The following GMEB1 variants were observed in gnomAD, a reference collection of about 807,000 sequenced individuals.
GMEB1 encodes the protein glucocorticoid modulatory element binding protein 1.
Under a neutral mutation model 52.4 loss-of-function variants are expected in GMEB1, and 6 were observed. The ratio of observed to expected loss-of-function variants is 0.11; its 90% CI spans 0.06 to 0.23. GMEB1 has a LOEUF of 0.23. Ranked by LOEUF, GMEB1 falls within the 10% of genes least tolerant of loss-of-function variation. The pLI is 1.00. For synonymous variants in GMEB1, 255 were observed against 244.9 expected (o/e 1.04, Z -0.38); for missense variants, 486 against 685.6 (o/e 0.71, Z 3.25).
rs770479035 is a variant in GMEB1 at position 28,710,502 on chromosome 1, G to A, written c.869-18G>A. The A allele has an allele frequency of 1.9e-6, 3 of 1,581,780 alleles. No individual in the cohort carries two copies. The highest frequency in any genetic ancestry group is 2.6e-6 in the Non-Finnish European group (3 of 1,165,924). ...ATATCTGTTTTAACTGGACAGGCAT[G>A]TCTTTTGTTTTAAATAGATGCTGCT... On this transcript the variant is annotated intron_variant, in intron 8 of 9. Coordinates refer to ENST00000373816, the MANE Select transcript of GMEB1 (RefSeq NM_001319674.2).
At position 28,714,762 on chromosome 1, in the gene GMEB1, T is replaced by G; in HGVS notation, c.1681T>G (p.Leu561Val). ...HQVHNVEIVV[L>V]ED ...AGTTCACAATGTGGAGATTGTGGTC[T>G]TAGAGGATTAACTGGGGATCTCAGG... The change falls in exon 10 of 10, where the codon TTA becomes GTA. Residue 561 changes from leucine to valine, a missense_variant. Physicochemically the swap from Leu to Val is conservative, Grantham distance 32. This residue lies in a region of GMEB1 where 153 missense variants were observed against 200.8 expected (regional missense o/e 0.76). Transcript: ENST00000373816. The G allele has an allele frequency of 6.2e-7, 1 of 1,606,142 alleles. No homozygotes were observed. Among genetic ancestry groups the G allele is most frequent in the Non-Finnish European group, 8.5e-7 (1 of 1,173,082 alleles).
Position 28,714,961 on chromosome 1 carries a change from C to T in GMEB1, c.*188C>T. The T allele has an allele frequency of 1.7e-6, 1 of 573,696 alleles. No homozygotes were observed. Among genetic ancestry groups the T allele is most frequent in the Non-Finnish European group, 3.1e-6 (1 of 324,366 alleles). 35.5% of individuals were successfully genotyped at this position (573,696 alleles called of 1,614,324 possible). ...ATTGAAAAATGGACAAAACAAGCTG[C>T]CCTTCCAGAAGTTGAGAGTAGGTCA... is the stretch of plus-strand genomic sequence containing the variant. On this transcript the variant is annotated 3_prime_UTR_variant, in exon 10 of 10. Transcript: ENST00000373816.
rs879212606 is a variant in GMEB1 at position 28,690,203 on chromosome 1, G to GGTT, written c.211+17_211+18insGTT. Reference sequence around the variant, plus strand: ...AAGGGATTGGTAAGGGTTTTTTTGTGTTTTTTTTTTTTTTTTTTTTTGTCA... The same window carrying GGTT: ...AAGGGATTGGTAAGGGTTTTTTTGTGGTTTTTTTTTTTTTTTTTTTTTTTGTCA... On this transcript the variant is annotated intron_variant, in intron 3 of 9. Coordinates refer to ENST00000373816, the MANE Select transcript of GMEB1 (RefSeq NM_001319674.2). The GGTT allele has an allele frequency of 3.3e-3, 1,695 of 514,554 alleles. 18 individuals are homozygous for GGTT. Among genetic ancestry groups the GGTT allele is most frequent in the South Asian group, 6.6e-3 (278 of 42,392 alleles). The allele number at this position is 514,554 out of a possible 1,614,324, so 31.9% of individuals were successfully genotyped here. A position where few individuals can be genotyped will look rare whatever the true frequency, so the allele number is the denominator to read the frequency against.
At position 28,690,132 on chromosome 1, in the gene GMEB1, A is replaced by G. The variant is rs1256377151; in HGVS notation, c.157A>G (p.Thr53Ala). 6.2e-7 allele frequency: 1 copy of G among 1,604,070 alleles called. No individual in the cohort carries two copies. The highest frequency in any genetic ancestry group is 1.3e-5 in the African/African-American group (1 of 74,408). The change falls in exon 3 of 10, where the codon ACG becomes GCG. Residue 53 changes from threonine (T) to alanine (A), a missense_variant. By Grantham distance (58) the Thr-to-Ala change is moderately conservative (BLOSUM62 0). Around this residue, in one of 5 missense-constraint regions of GMEB1, gnomAD observed 88 missense variants for 96.5 expected, o/e 0.91. Coordinates refer to ENST00000373816, the MANE Select transcript of GMEB1 (RefSeq NM_001319674.2). ...GIYEAGSENN[T>A]AVVAVETHTI... ...TTATGAAGCTGGGTCGGAGAACAAC[A>G]CGGCAGTTGTAGCAGTAGAAACTCA...
chr1:28,669,223 C>T (rs1001009516), intron 1 of GMEB1, among the ~76,000 whole-genome samples: 40 of 151,708 alleles, frequency 2.6e-4, no homozygotes, highest in African/African-American at 9.7e-4. Context: ...CCAGGAGGGG[C>T]CGGAGTGACT....
In GMEB1 at chr1:28,719,298, C is replaced by T; in HGVS notation, c.*4525C>T. The T allele has an allele frequency of 6.6e-6, 1 of 152,244 alleles. No individual in the cohort carries two copies. The highest frequency in any genetic ancestry group is 1.5e-5 in the Non-Finnish European group (1 of 68,036). 9.4% of individuals were successfully genotyped at this position (152,244 alleles called of 1,614,324 possible). A position where few individuals can be genotyped will look rare whatever the true frequency, so the allele number is the denominator to read the frequency against. On this transcript the variant is annotated 3_prime_UTR_variant, in exon 10 of 10. Transcript: ENST00000373816. Reference sequence around the variant, plus strand: ...TCCAAGCTCCACCCACTCCTAAAAACACCAGTCATTCTGAAGTAAAAAATG... The same window carrying T: ...TCCAAGCTCCACCCACTCCTAAAAATACCAGTCATTCTGAAGTAAAAAATG...
chr1:28,696,493 A>C (rs939225146), intron 5 of GMEB1, among the ~76,000 whole-genome samples: 6 of 152,202 alleles, frequency 3.9e-5, no homozygotes, highest in African/African-American at 1.4e-4. Context: ...AGTGAAAGCC[A>C]AATGACATTA....
At chr1:28,671,565 C>T (rs1474579871) in intron 1 of GMEB1, among the ~76,000 whole-genome samples, 1 of 151,982 alleles carries the variant, frequency 6.6e-6, no homozygotes, top group Non-Finnish European at 1.5e-5. Flanking sequence ...CATGGTGAAA[C>T]CCCGTCTCTA....
At chr1:28,680,035 C>T (rs1429042750) in intron 1 of GMEB1, among the ~76,000 whole-genome samples, 1 of 151,908 alleles carries the variant, frequency 6.6e-6, no homozygotes, top group Non-Finnish European at 1.5e-5. Context: ...CACCAACTCC[C>T]GACCTCAGGT....
At chr1:28,710,156 G>GA (rs904883178) in intron 8 of GMEB1, among the ~76,000 whole-genome samples, 3 of 150,578 alleles carry the variant, frequency 2.0e-5, no homozygotes, top group South Asian at 2.1e-4. Context: ...CCAAAAAAAG[G>GA]AAAAAAAAAT....
chr1:28,705,360 C>T (rs1670700092), intron 8 of GMEB1, among the ~76,000 whole-genome samples: 1 of 151,166 alleles, frequency 6.6e-6, no homozygotes, highest in South Asian at 2.1e-4. Context: ...TGCCACTGCC[C>T]ACCAGTCTGG....
At chr1:28,685,944 G>A (rs1173863284) in intron 2 of GMEB1, among the ~76,000 whole-genome samples, 1 of 152,168 alleles carries the variant, frequency 6.6e-6, no homozygotes, top group African/African-American at 2.4e-5. Context: ...AGGCGACAGA[G>A]AGAGACTCCG....
At chr1:28,706,227 CTTG>C (rs1351529669) in intron 8 of GMEB1, among the ~76,000 whole-genome samples, 5 of 152,046 alleles carry the variant, frequency 3.3e-5, no homozygotes, top group African/African-American at 4.8e-5. Context: ...GCTTTCTGAA[CTTG>C]TTGTGTTCAC....
At chr1:28,712,727 G>T (rs1270015191) in intron 9 of GMEB1, among the ~76,000 whole-genome samples, 2 of 152,220 alleles carry the variant, frequency 1.3e-5, no homozygotes, top group East Asian at 1.9e-4. Context: ...GCTGAGGCAG[G>T]AGAATCACTT....
chr1:28,717,356 A>G lies in GMEB1; in HGVS notation c.*2583A>G, dbSNP rs1671303257. The G allele has an allele frequency of 6.6e-6, 1 of 151,914 alleles. No individual in the cohort carries two copies. The highest frequency in any genetic ancestry group is 2.4e-5 in the African/African-American group (1 of 41,356). The allele number at this position is 151,914 out of a possible 1,614,324, so 9.4% of individuals were successfully genotyped here. ...AGGCTCCCACCACCACGCCCGGGTA[A>G]TTTTTGTATTTTTAGTAGAGACGGG... On this transcript the variant is annotated 3_prime_UTR_variant, in exon 10 of 10. Coordinates refer to ENST00000373816, the MANE Select transcript of GMEB1 (RefSeq NM_001319674.2).
At chr1:28,671,670 G>A (rs1017640491) in intron 1 of GMEB1, among the ~76,000 whole-genome samples, 12 of 152,108 alleles carry the variant, frequency 7.9e-5, no homozygotes, top group Admixed American at 7.2e-4. Context: ...CTTGAGCTCC[G>A]GAAGTCGAGG....
intron 1 of GMEB1, among the ~76,000 whole-genome samples, chr1:28,669,811 C>G (rs1395916657): frequency 6.6e-6 from 1 of 152,118 alleles, no homozygotes; most frequent in Non-Finnish European, 1.5e-5. Context: ...GGTGTTCCCG[C>G]TTTCTGAAAT....
chr1:28,693,147 T>G (rs1383376726), intron 5 of GMEB1, 102 bp downstream of exon 5: 2 of 508,688 alleles, frequency 3.9e-6, no homozygotes, highest in Non-Finnish European at 7.0e-6. Context: ...TTATTCTTTC[T>G]GAAGAATTGG....
intron 1 of GMEB1, among the ~76,000 whole-genome samples, chr1:28,676,673 C>T (rs1012411988): frequency 3.3e-5 from 5 of 150,970 alleles, no homozygotes; most frequent in South Asian, 2.1e-4. Flanking sequence ...TTCAGTGAGC[C>T]GAGATCAGGG....
Sources: allele counts gnomAD v4.1 joint callset (sites outside exome capture counted in the v4.1 genomes callset), GRCh38; gene constraint gnomAD v4.1.1; regional missense constraint gnomAD v4.1.1; transcripts MANE v1.5; gene names NCBI Gene and HGNC (gene_info 2026-07-23, HGNC 2026-07-21).